Variants in SHH observed in about 807,000 individuals in gnomAD.
SHH encodes sonic hedgehog protein.
SHH carries 3 observed loss-of-function variants against 16.6 expected under a neutral mutation model. The observed-to-expected ratio is 0.18, with a 90% CI of 0.08 to 0.47. The LOEUF is 0.47. Among genes scored for constraint, SHH ranks in the 20% least tolerant of loss-of-function variants. The pLI is 0.98. For missense variants in SHH, 499 were observed against 665.0 expected, an observed-to-expected ratio of 0.75 and a Z score of 2.75; for synonymous variants, 351 against 316.2, an observed-to-expected ratio of 1.11 and a Z score of -1.17.
At chr7:155,803,759 CAG>C in intron 2 of SHH, 33 bp from the exon 3 acceptor site, 1 of 1,561,122 alleles carries the variant, frequency 6.4e-7, no homozygotes, top group Non-Finnish European at 8.7e-7. Context: ...GAAGAGAGGA[CAG>C]GGCATTGAGT....
chr7:155,810,830 A>C (rs1200144812), intron 1 of SHH, among the ~76,000 whole-genome samples: 1 of 152,244 alleles, frequency 6.6e-6, no homozygotes, highest in Non-Finnish European at 1.5e-5. Context: ...TAATAGGGCA[A>C]TAAAAAGGAT....
chr7:155,803,276 C>A lies in SHH; in HGVS notation c.1013G>T (p.Ser338Ile). The A allele has an allele frequency of 6.7e-7, 1 of 1,502,944 alleles. No homozygotes were observed. 93.1% of individuals were successfully genotyped at this position (1,502,944 alleles called of 1,614,324 possible). A position where few individuals can be genotyped will look rare whatever the true frequency, so the allele number is the denominator to read the frequency against. Residue 338 changes from serine (S) to isoleucine (I), a missense_variant, in exon 3 of 3, where the codon AGC becomes ATC. Coordinates refer to ENST00000297261, the MANE Select transcript of SHH (RefSeq NM_000193.4). ...LPAAVHSVTL[S>I]EEAAGAYAPL... ...CGCGTAGGCGCCCGCGGCCTCCTCG[C>A]TTAGGGTCACGCTGTGCACAGCGGC...
rs757530222 is a variant in SHH at position 155,812,158 on chromosome 7, C to A, written c.-36G>T. ...GAACTGATGACTTCCGAGCTGTCCC[C>A]GTGCGGGTCCGTGCGCGAGTGCGCG... is the stretch of plus-strand genomic sequence containing the variant. On this transcript the variant is annotated 5_prime_UTR_variant, in exon 1 of 3. Transcript: ENST00000297261. 6 of 1,606,320 alleles carry A rather than the reference C, an allele frequency of 3.7e-6. No individual in the cohort carries two copies. The highest frequency in any genetic ancestry group is 5.1e-6 in the Non-Finnish European group (6 of 1,173,760).
Position 155,800,022 on chromosome 7 carries a change from C to T in SHH, c.*2878G>A, listed in dbSNP as rs550821094. 6.4e-6 allele frequency: 3 copies of T among 471,146 alleles called. No individual in the cohort carries two copies. The highest frequency in any genetic ancestry group is 1.4e-4 in the East Asian group (2 of 14,394). The allele number at this position is 471,146 out of a possible 1,614,324, so 29.2% of individuals were successfully genotyped here. A position where few individuals can be genotyped will look rare whatever the true frequency, so the allele number is the denominator to read the frequency against. ...CTTTAATTATTCAAACAATAGAGCA[C>T]AAAGATAACAGTTTCAAGTACATTG... On this transcript the variant is annotated 3_prime_UTR_variant, in exon 3 of 3. Transcript: ENST00000297261.
rs537825288 is a variant in SHH at position 155,811,311 on chromosome 7, G to T, written c.300+512C>A. Among the ~76,000 whole-genome samples the T allele has an allele frequency of 9.8e-5, 15 of 152,324 alleles. No homozygotes were observed. In the East Asian group the frequency reaches 1.2e-3, roughly 12 times the overall value. ...TTCTTTGGTGGGGAGGTGCAGGGTGGGGGTAGTGGTGGGAAAGAAAACCAC... is the reference window on the plus strand; with the variant it reads ...TTCTTTGGTGGGGAGGTGCAGGGTGTGGGTAGTGGTGGGAAAGAAAACCAC... On this transcript the variant is annotated intron_variant, in intron 1 of 2. Transcript: ENST00000297261.
chr7:155,800,544 C>T lies in SHH; in HGVS notation c.*2356G>A, dbSNP rs1803157236. On this transcript the variant is annotated 3_prime_UTR_variant, in exon 3 of 3. Transcript: ENST00000297261. ...AGGTCTGTCTACACAGCCAGAGGAG[C>T]TGCTGTGCCCGGTGCTTCTGGTTCG... 2.1e-6 allele frequency: 1 copy of T among 470,702 alleles called. No homozygotes were observed. 29.2% of individuals were successfully genotyped at this position (470,702 alleles called of 1,614,324 possible).
rs9333628 is a variant in SHH, at chr7:155,805,639, C to G, written c.562+657G>C. Among the ~76,000 whole-genome samples, 122 of 152,320 alleles carry G rather than the reference C, an allele frequency of 8.0e-4. 1 individual carries two copies. The highest frequency in any genetic ancestry group is 2.6e-3 in the African/African-American group (110 of 41,592). On this transcript the variant is annotated intron_variant, in intron 2 of 2. Transcript: ENST00000297261. ...GGCAACAGCGTGTGGCGTTGCAGGC[C>G]CAGAGAAGACAGCCTCGCGCCGACT...
In SHH at chr7:155,800,898, T is replaced by G. The variant is rs1803165891; in HGVS notation, c.*2002A>C. The G allele has an allele frequency of 7.3e-6, 2 of 272,852 alleles. No homozygotes were observed. Among genetic ancestry groups the G allele is most frequent in the Admixed American group, 4.5e-5 (1 of 22,152 alleles). The allele number at this position is 272,852 out of a possible 1,614,324, so 16.9% of individuals were successfully genotyped here. ...TCCTGTTCCCTAAGCCTGGACCACC[T>G]TCTACACAGGCTGCAGCTGCTGGGA... On this transcript the variant is annotated 3_prime_UTR_variant, in exon 3 of 3. Transcript: ENST00000297261.
Position 155,802,747 on chromosome 7 carries a change from T to G in SHH, c.*153A>C, listed in dbSNP as rs1803215981. The stretch of plus-strand genomic sequence containing the variant: ...AAAACTTCCCGGGGTCCTTGTTTCC[T>G]TAGAGTCTACTTTGGACTGTCCTAC... On this transcript the variant is annotated 3_prime_UTR_variant, in exon 3 of 3. Coordinates refer to ENST00000297261, the MANE Select transcript of SHH (RefSeq NM_000193.4). The G allele has an allele frequency of 1.5e-5, 7 of 455,516 alleles. No individual in the cohort carries two copies. Among genetic ancestry groups the G allele is most frequent in the Non-Finnish European group, 2.2e-5 (6 of 278,170 alleles). 28.2% of individuals were successfully genotyped at this position (455,516 alleles called of 1,614,324 possible).
Position 155,802,628 on chromosome 7 carries a change from A to G in SHH, c.*272T>C. The G allele has an allele frequency of 3.0e-6, 1 of 335,866 alleles. No individual in the cohort carries two copies. The highest frequency in any genetic ancestry group is 5.3e-6 in the Non-Finnish European group (1 of 186,946). The allele number at this position is 335,866 out of a possible 1,614,324, so 20.8% of individuals were successfully genotyped here. On this transcript the variant is annotated 3_prime_UTR_variant, in exon 3 of 3. Coordinates refer to ENST00000297261, the MANE Select transcript of SHH (RefSeq NM_000193.4). The stretch of plus-strand genomic sequence containing the variant: ...TTATTTAAAACATCTATTCATACCA[A>G]ACAAATAAATAGCCAGGAGAGGAGG...
At position 155,802,860 on chromosome 7, in the gene SHH, G is replaced by GGCCCCCCC; in HGVS notation, c.*39_*40insGGGGGGGC. The GGCCCCCCC allele has an allele frequency of 9.6e-6, 3 of 313,080 alleles. No homozygotes were observed. The highest frequency in any genetic ancestry group is 8.4e-5 in the East Asian group (1 of 11,916). The allele number at this position is 313,080 out of a possible 1,614,324, so 19.4% of individuals were successfully genotyped here. ...TGCTTTGCGTTGCTGTTGCTGCCCCGCCCCGCCCCCTCCCGCGCCCCTCCC... is the reference window on the plus strand; with the variant it reads ...TGCTTTGCGTTGCTGTTGCTGCCCCGGCCCCCCCCCCCGCCCCCTCCCGCGCCCCTCCC... On this transcript the variant is annotated 3_prime_UTR_variant, in exon 3 of 3. Coordinates refer to ENST00000297261, the MANE Select transcript of SHH (RefSeq NM_000193.4).
At chr7:155,811,682 C>T (rs1278467204) in intron 1 of SHH, 141 bp downstream of exon 1, 5 of 835,362 alleles carry the variant, frequency 6.0e-6, no homozygotes, top group Non-Finnish European at 1.0e-5. Context: ...AGATGGGGGG[C>T]GGGCAGGTGG....
intron 2 of SHH, among the ~76,000 whole-genome samples, chr7:155,805,918 A>C (rs1177968795): frequency 3.3e-5 from 5 of 152,228 alleles, no homozygotes; most frequent in Non-Finnish European, 7.3e-5. Context: ...TTGGTTCTTA[A>C]GCCCTAAACG....
intron 1 of SHH, among the ~76,000 whole-genome samples, chr7:155,808,070 T>A (rs1803412057): frequency 6.6e-6 from 1 of 151,694 alleles, no homozygotes; most frequent in Non-Finnish European, 1.5e-5. Flanking sequence ...AATATGGTTG[T>A]AGAGTTCAAC....
chr7:155,810,475 T>A (rs540375164), intron 1 of SHH, among the ~76,000 whole-genome samples: 56 of 152,318 alleles, frequency 3.7e-4, no homozygotes, highest in Non-Finnish European at 6.9e-4. Context: ...GGGCACCCCA[T>A]GGCCCGTGCA....
At chr7:155,806,936 CGCCCCCACGTTGCCCTCCACTTCTA>C (rs9333616) in intron 1 of SHH, 34,961 of 313,404 alleles carry the variant, frequency 0.11, 2,209 homozygotes, top group Non-Finnish European at 0.14. Flanking sequence ...ATACCCGCCC[CGCCCCCACGTTGCCCTCCACTTCTA>C]GCCCCCCTTC....
At position 155,812,266 on chromosome 7, in the gene SHH, T is replaced by C; in HGVS notation, c.-144A>G. On this transcript the variant is annotated 5_prime_UTR_variant, in exon 1 of 3. Transcript: ENST00000297261. Reference sequence around the variant, plus strand: ...CCCGCTCGCTCTCTCCCTCGCTGGCTGCCTCGCTCTTTCTCTTCCTATATA... The same window carrying C: ...CCCGCTCGCTCTCTCCCTCGCTGGCCGCCTCGCTCTTTCTCTTCCTATATA... 2 of 784,696 alleles carry C rather than the reference T, an allele frequency of 2.5e-6. No individual in the cohort carries two copies. Among genetic ancestry groups the C allele is most frequent in the Non-Finnish European group, 2.2e-6 (1 of 460,768 alleles). 48.6% of individuals were successfully genotyped at this position (784,696 alleles called of 1,614,324 possible).
rs533174744 is a variant in SHH at position 155,803,036 on chromosome 7, G to A, written c.1253C>T (p.Pro418Leu). Residue 418 changes from proline (P) to leucine (L), a missense_variant, in exon 3 of 3, where the codon CCA (proline) becomes CTA (leucine). Pro to Leu is a moderately conservative substitution (Grantham distance 98). This residue lies in a region of SHH where 299 missense variants were observed against 301.1 expected (regional missense o/e 0.99). Transcript: ENST00000297261. ...CGCACCCGGAGCGTCGGCAGCACCTGGAGCGGTTAGGGCTACTCTGCCGCC... is the reference window on the plus strand; with the variant it reads ...CGCACCCGGAGCGTCGGCAGCACCTAGAGCGGTTAGGGCTACTCTGCCGCC... ...GGGGRVALTA[P>L]GAADAPGAGA... 55 of 1,558,010 alleles carry A rather than the reference G, an allele frequency of 3.5e-5. No homozygotes were observed. In the South Asian group the frequency reaches 6.3e-4, roughly 18 times the overall value.
Position 155,806,421 on chromosome 7 carries a change from A to G in SHH, c.437T>C (p.Val146Ala). ...EESLHYEGRA[V>A]DITTSDRDRS... is the part of the protein sequence containing the mutation. ...GTCGCGGTCAGACGTGGTGATGTCC[A>G]CTGCGCGGCCCTCGTAGTGCAGAGA... The change falls in exon 2 of 3, where the codon GTG becomes GCG. Residue 146 changes from valine (V) to alanine (A), a missense_variant. Val to Ala is a moderately conservative substitution (Grantham distance 64, BLOSUM62 0). Around this residue, in one of 4 missense-constraint regions of SHH, gnomAD observed 114 missense variants for 200.4 expected, o/e 0.57. Transcript: ENST00000297261. 1 of 1,613,770 alleles carries G rather than the reference A, an allele frequency of 6.2e-7. No homozygotes were observed. Among genetic ancestry groups the G allele is most frequent in the Non-Finnish European group, 8.5e-7 (1 of 1,180,030 alleles).
Sources: gnomAD v4.1 joint callset for allele counts (sites outside exome capture counted in the v4.1 genomes callset) on GRCh38, gnomAD v4.1.1 for gene constraint, gnomAD v4.1.1 regional missense constraint, MANE v1.5 for transcripts, NCBI Gene and HGNC (gene_info 2026-07-23, HGNC 2026-07-21) for gene names.